The following GREB1L variants were observed in gnomAD, a reference collection of about 807,000 sequenced individuals.
GREB1L encodes GREB1 like retinoic acid receptor coactivator.
In GREB1L, 17 loss-of-function variants were observed where a neutral mutation model predicts 200.8. The observed-to-expected ratio is 0.08, with a 90% CI of 0.06 to 0.13. The LOEUF is 0.13. GREB1L is among the 10% of genes least tolerant of loss of function. The probability of loss-of-function intolerance (pLI) is 1.00; values close to 1 mark genes in which losing one functional copy is unlikely to be tolerated. For synonymous variants in GREB1L, 789 were observed against 893.0 expected, an observed-to-expected ratio of 0.88 and a Z score of 2.08; for missense variants, 1,657 against 2,367.7, an observed-to-expected ratio of 0.70 and a Z score of 6.23.
In GREB1L at chr18:21,441,491, T is replaced by A; in HGVS notation, c.1161T>A (p.Pro387=). The change falls in exon 10 of 33, where the codon CCT becomes CCA. Residue 387 remains proline, a synonymous_variant. Coordinates refer to ENST00000424526, the MANE Select transcript of GREB1L (RefSeq NM_001142966.3). ...CTGCAGGGGAAACTGTAATTGTTCC[T>A]GAAAACCTGCTGAGTAACTCAGGAG... ...PIPAGETVIV[P]ENLLSNSGVR... 6.4e-7 allele frequency: 1 copy of A among 1,551,742 alleles called. No homozygotes were observed. The highest frequency in any genetic ancestry group is 8.7e-7 in the Non-Finnish European group (1 of 1,146,894).
chr18:21,360,708 CCT>C (rs933895254), intron 1 of GREB1L, among the ~76,000 whole-genome samples: 3 of 152,160 alleles, frequency 2.0e-5, no homozygotes, highest in East Asian at 1.9e-4. Context: ...TAGAAAAACT[CCT>C]CTCATTTAAA....
At chr18:21,357,295 G>A (rs1177245159) in intron 1 of GREB1L, among the ~76,000 whole-genome samples, 1 of 152,146 alleles carries the variant, frequency 6.6e-6, no homozygotes, top group African/African-American at 2.4e-5. Flanking sequence ...CTCGTGATCC[G>A]CCCGCCTCAG....
chr18:21,468,563 T>TA (rs889997496), intron 15 of GREB1L, among the ~76,000 whole-genome samples: 43 of 152,308 alleles, frequency 2.8e-4, no homozygotes, highest in Admixed American at 2.3e-3. Context: ...CAAACGCTGT[T>TA]AAAAAATCAT....
At chr18:21,417,903 C>G (rs1272528303) in intron 7 of GREB1L, among the ~76,000 whole-genome samples, 1 of 151,378 alleles carries the variant, frequency 6.6e-6, no homozygotes, top group South Asian at 2.1e-4. Context: ...ATGGCATGAA[C>G]CCGGGAGGTG....
chr18:21,508,171 A>G lies in GREB1L; in HGVS notation c.4422A>G (p.Glu1474=), dbSNP rs1415929858. Residue 1474 remains glutamate (E), a synonymous_variant, in exon 26 of 33, where the codon GAA becomes GAG. Transcript: ENST00000424526. ...CATTCTCTTCTTCTATGCTGGGAGA[A>G]GAGGTTCAGCTCTATTTCATCATTC... ...AFTFSSSMLG[E]EVQLYFIIPK... is the part of the protein sequence containing the mutation. 5.2e-6 allele frequency: 8 copies of G among 1,551,518 alleles called. No homozygotes were observed. The East Asian group carries it at 7.3e-5, about 14-fold the overall frequency.
chr18:21,270,592 A>C (rs1389419908), intron 1 of GREB1L, among the ~76,000 whole-genome samples: 1 of 152,016 alleles, frequency 6.6e-6, no homozygotes, highest in Non-Finnish European at 1.5e-5. Flanking sequence ...CCCGCCCTTG[A>C]CTCTTAGTCA....
intron 15 of GREB1L, among the ~76,000 whole-genome samples, chr18:21,467,836 A>G (rs1280714197): frequency 2.0e-5 from 3 of 152,138 alleles, no homozygotes; most frequent in Non-Finnish European, 4.4e-5. Flanking sequence ...CATTCTGGCT[A>G]ACACAGTGAA....
chr18:21,482,073 G>A (rs1003939011), intron 17 of GREB1L, among the ~76,000 whole-genome samples: 2 of 152,202 alleles, frequency 1.3e-5, no homozygotes, highest in African/African-American at 4.8e-5. Context: ...AGATCAGTCA[G>A]TGGCTTTTCT....
At chr18:21,272,372 G>C (rs2038092964) in intron 1 of GREB1L, among the ~76,000 whole-genome samples, 1 of 152,232 alleles carries the variant, frequency 6.6e-6, no homozygotes, top group Admixed American at 6.5e-5. Context: ...CTTGTCTCCA[G>C]GGAGAGGAAG....
At chr18:21,470,530 G>A (rs2035443158) in intron 15 of GREB1L, among the ~76,000 whole-genome samples, 1 of 151,918 alleles carries the variant, frequency 6.6e-6, no homozygotes, top group Non-Finnish European at 1.5e-5. Context: ...CCTAACTACT[G>A]CTTGTGTACA....
intron 16 of GREB1L, among the ~76,000 whole-genome samples, chr18:21,476,839 A>G (rs1167114483): frequency 6.6e-6 from 1 of 151,984 alleles, no homozygotes; most frequent in Non-Finnish European, 1.5e-5. Flanking sequence ...TTGGCCTCCC[A>G]AAGTGCTGGG....
chr18:21,470,892 A>C (rs2035457364), intron 15 of GREB1L, among the ~76,000 whole-genome samples: 1 of 152,236 alleles, frequency 6.6e-6, no homozygotes, highest in Non-Finnish European at 1.5e-5. Context: ...ATTATGAGGA[A>C]AAAAAACAAA....
intron 7 of GREB1L, chr18:21,435,013 A>G (rs2033446911): frequency 6.6e-6 from 1 of 152,662 alleles, no homozygotes; most frequent in South Asian, 2.1e-4. Flanking sequence ...CTGACCCGGA[A>G]TAACAATGTT....
At position 21,495,766 on chromosome 18, in the gene GREB1L, C is replaced by G. The variant is rs1348059244; in HGVS notation, c.3127C>G (p.Leu1043Val). The G allele has an allele frequency of 9.1e-6, 14 of 1,532,364 alleles. No individual in the cohort carries two copies. In the South Asian group the frequency reaches 1.7e-4, roughly 18 times the overall value. The allele number at this position is 1,532,364 out of a possible 1,614,324, so 94.9% of individuals were successfully genotyped here. A position where few individuals can be genotyped will look rare whatever the true frequency, so the allele number is the denominator to read the frequency against. Reference sequence around the variant, plus strand: ...TGTGATATTAACTGGCAAAGATCCTCTTGGAGAAACCTTTCCCAGGTACAG... The same window carrying G: ...TGTGATATTAACTGGCAAAGATCCTGTTGGAGAAACCTTTCCCAGGTACAG... ...CIVILTGKDP[L>V]GETFPRSLKY... The change falls in exon 20 of 33, where the codon CTT (leucine) becomes GTT (valine). Residue 1043 changes from leucine to valine, a missense_variant. Transcript: ENST00000424526.
intron 7 of GREB1L, among the ~76,000 whole-genome samples, chr18:21,420,955 A>G (rs914948781): frequency 1.3e-5 from 2 of 152,230 alleles, no homozygotes; most frequent in African/African-American, 4.8e-5. Context: ...GATACCCATG[A>G]CAATGTGGAT....
chr18:21,307,968 A>G (rs1408708812), intron 1 of GREB1L, among the ~76,000 whole-genome samples: 1 of 152,194 alleles, frequency 6.6e-6, no homozygotes, highest in East Asian at 1.9e-4. Flanking sequence ...TATCCCTTTT[A>G]GTACCCCGAT....
At chr18:21,276,622 C>A (rs1180930130) in intron 1 of GREB1L, among the ~76,000 whole-genome samples, 1 of 152,210 alleles carries the variant, frequency 6.6e-6, no homozygotes, top group Non-Finnish European at 1.5e-5. Context: ...AGTCCTGGAT[C>A]TTAACCTTGT....
At chr18:21,513,394 G>A (rs2037309042) in intron 27 of GREB1L, among the ~76,000 whole-genome samples, 1 of 152,216 alleles carries the variant, frequency 6.6e-6, no homozygotes, top group Non-Finnish European at 1.5e-5. Flanking sequence ...TAACTCCCTA[G>A]TACAGGACAT....
chr18:21,289,216 C>G (rs2038407269), intron 1 of GREB1L, among the ~76,000 whole-genome samples: 2 of 152,058 alleles, frequency 1.3e-5, no homozygotes, highest in African/African-American at 4.8e-5. Context: ...TTTCCTAGAC[C>G]TACAATGGTA....
Sources: allele counts gnomAD v4.1 joint callset (sites outside exome capture counted in the v4.1 genomes callset), GRCh38; gene constraint gnomAD v4.1.1; transcripts MANE v1.5; gene names NCBI Gene and HGNC (gene_info 2026-07-23, HGNC 2026-07-21).